The following DSCAM variants were observed in gnomAD, a reference collection of about 807,000 sequenced individuals.
The protein encoded by DSCAM is DS cell adhesion molecule.
In DSCAM, 47 loss-of-function variants were observed where a neutral mutation model predicts 217.7. That is an observed-to-expected ratio of 0.22 (90% CI 0.17 to 0.28). The LOEUF is 0.28. DSCAM is among the 10% of genes least tolerant of loss of function. The pLI is 1.00. For missense variants in DSCAM, 2,080 were observed against 2,618.3 expected (o/e 0.79, Z 4.49); for synonymous variants, 1,056 against 1,015.3 (o/e 1.04, Z -0.76).
intron 2 of DSCAM, among the ~76,000 whole-genome samples, chr21:40,707,713 T>C (rs2090733219): frequency 6.6e-6 from 1 of 152,220 alleles, no homozygotes; most frequent in South Asian, 2.1e-4. Flanking sequence ...AAAATTAAAA[T>C]GCTGTTTGCT....
Position 40,808,480 on chromosome 21 carries a change from T to TG in DSCAM, c.43+38138_43+38139insC, listed in dbSNP as rs1408078398. Among the ~76,000 whole-genome samples the TG allele has an allele frequency of 3.3e-5, 5 of 151,348 alleles. No individual in the cohort carries two copies. The East Asian group carries it at 5.8e-4, about 18-fold the overall frequency. ...TTGGGTTAATACAACCATCATTTTT[T>TG]TTTTTTTTTTTGAGACATAGTCTCT... On this transcript the variant is annotated intron_variant, in intron 1 of 32. Transcript: ENST00000400454.
intron 3 of DSCAM, among the ~76,000 whole-genome samples, chr21:40,689,548 A>C (rs2090517432): frequency 6.6e-6 from 1 of 152,126 alleles, no homozygotes; most frequent in South Asian, 2.1e-4. Context: ...TAACTCACTC[A>C]CTTAGTAAGA....
intron 3 of DSCAM, among the ~76,000 whole-genome samples, chr21:40,393,038 T>G (rs1336738184): frequency 6.6e-6 from 1 of 152,226 alleles, no homozygotes; most frequent in Non-Finnish European, 1.5e-5. Context: ...TGACATCAAG[T>G]GTAAGCCCAT....
intron 8 of DSCAM, among the ~76,000 whole-genome samples, chr21:40,328,759 A>G (rs1236298545): frequency 6.6e-6 from 1 of 152,236 alleles, no homozygotes; most frequent in East Asian, 1.9e-4. Flanking sequence ...AAAGGTTACT[A>G]TCCAAAATAT....
At chr21:40,812,718 T>C (rs2410292) in intron 1 of DSCAM, among the ~76,000 whole-genome samples, 2 of 152,220 alleles carry the variant, frequency 1.3e-5, no homozygotes, top group African/African-American at 4.8e-5. Flanking sequence ...CACACATTTA[T>C]CATTCTAGAA....
At chr21:40,357,861 T>TA (rs71186927) in intron 4 of DSCAM, among the ~76,000 whole-genome samples, 91,952 of 150,862 alleles carry the variant, frequency 0.61, 28,322 homozygotes, top group East Asian at 0.72. Flanking sequence ...TAAAGTATAA[T>TA]AAAAAAAAAC....
At chr21:40,662,854 G>T (rs1402353944) in intron 3 of DSCAM, among the ~76,000 whole-genome samples, 1 of 152,142 alleles carries the variant, frequency 6.6e-6, no homozygotes, top group African/African-American at 2.4e-5. Context: ...GAAATGAACT[G>T]TTGTAGTTTC....
intron 8 of DSCAM, among the ~76,000 whole-genome samples, chr21:40,331,573 T>G (rs1035520576): frequency 2.0e-5 from 3 of 152,108 alleles, no homozygotes; most frequent in African/African-American, 7.2e-5. Flanking sequence ...TGCAGAACAG[T>G]GTCCCTGTTG....
At chr21:40,708,368 T>C in intron 2 of DSCAM, 86 bp downstream of exon 2, 2 of 1,170,432 alleles carry the variant, frequency 1.7e-6, no homozygotes, top group South Asian at 2.8e-5. Context: ...GGTTCTCTGC[T>C]GTGATGGCAT....
intron 10 of DSCAM, among the ~76,000 whole-genome samples, chr21:40,278,452 G>A (rs1391222404): frequency 6.6e-6 from 1 of 152,096 alleles, no homozygotes; most frequent in Non-Finnish European, 1.5e-5. Context: ...CAACTTATTG[G>A]CAGGCCATGA....
chr21:40,253,116 G>C (rs1271541851), intron 11 of DSCAM, among the ~76,000 whole-genome samples: 2 of 152,200 alleles, frequency 1.3e-5, no homozygotes, highest in Non-Finnish European at 2.9e-5. Flanking sequence ...GTGAGCACAG[G>C]ACGATGATGC....
chr21:40,787,513 G>T (rs1289404322), intron 1 of DSCAM, among the ~76,000 whole-genome samples: 1 of 152,100 alleles, frequency 6.6e-6, no homozygotes, highest in East Asian at 1.9e-4. Context: ...AAACGATTGG[G>T]TTATCTTGCA....
intron 3 of DSCAM, among the ~76,000 whole-genome samples, chr21:40,420,569 C>T (rs2075414071): frequency 6.6e-6 from 1 of 152,038 alleles, no homozygotes; most frequent in Non-Finnish European, 1.5e-5. Context: ...TTCTGTTTCC[C>T]CAAAATTTGT....
intron 1 of DSCAM, among the ~76,000 whole-genome samples, chr21:40,771,825 G>T (rs758510122): frequency 5.9e-5 from 9 of 152,110 alleles, no homozygotes; most frequent in Non-Finnish European, 1.2e-4. Flanking sequence ...AGGTACACTG[G>T]GAACTCAACC....
chr21:40,468,545 G>C (rs2075863097), intron 3 of DSCAM, among the ~76,000 whole-genome samples: 1 of 152,134 alleles, frequency 6.6e-6, no homozygotes, highest in Non-Finnish European at 1.5e-5. Context: ...GATTGGGGAG[G>C]GGGAGGCCTC....
intron 9 of DSCAM, among the ~76,000 whole-genome samples, chr21:40,310,237 G>A (rs1212589137): frequency 1.3e-5 from 2 of 152,204 alleles, no homozygotes; most frequent in African/African-American, 4.8e-5. Context: ...AGATCTGGAA[G>A]ATGGATTTAC....
intron 3 of DSCAM, among the ~76,000 whole-genome samples, chr21:40,486,919 C>T (rs150909489): frequency 1.8e-3 from 277 of 152,208 alleles, no homozygotes; most frequent in Non-Finnish European, 3.2e-3. Flanking sequence ...TACTTCTGCT[C>T]CTTCCTGGGT....
chr21:40,540,898 G>T (rs897537350), intron 3 of DSCAM, among the ~76,000 whole-genome samples: 1 of 151,818 alleles, frequency 6.6e-6, no homozygotes, highest in East Asian at 1.9e-4. Context: ...TTTGTTTGGG[G>T]TATTTTTTTT....
intron 1 of DSCAM, among the ~76,000 whole-genome samples, chr21:40,825,995 C>T (rs1053724182): frequency 1.3e-5 from 2 of 152,184 alleles, no homozygotes; most frequent in African/African-American, 4.8e-5. Flanking sequence ...ACTTACTGGG[C>T]ACCTGCAGCC....
Sources: gnomAD v4.1 joint callset for allele counts (sites outside exome capture counted in the v4.1 genomes callset) on GRCh38, gnomAD v4.1.1 for gene constraint, MANE v1.5 for transcripts, NCBI Gene and HGNC (gene_info 2026-07-23, HGNC 2026-07-21) for gene names.